The following CHD9 variants were observed in gnomAD, a reference collection of about 807,000 sequenced individuals.
The protein encoded by CHD9 is chromodomain helicase DNA binding protein 9.
A neutral mutation model predicts 316.1 loss-of-function variants in CHD9; 77 were observed. That is an observed-to-expected ratio of 0.24 (90% confidence interval 0.20 to 0.29). The LOEUF (loss-of-function observed/expected upper bound fraction) is 0.29, where lower values mean the gene tolerates loss of function less well. CHD9 is among the 10% of genes least tolerant of loss of function. CHD9 has a pLI of 1.00. For synonymous variants in CHD9, 1,129 were observed against 1,158.3 expected (o/e 0.97, Z 0.51); for missense variants, 2,763 against 3,438.1 (o/e 0.80, Z 4.91).
At chr16:53,162,122 G>A (rs1289546548) in intron 2 of CHD9, among the ~76,000 whole-genome samples, 5 of 152,130 alleles carry the variant, frequency 3.3e-5, no homozygotes, top group Admixed American at 2.6e-4. Context: ...CTCAGCGTAC[G>A]CTAAACTATG....
Position 53,156,571 on chromosome 16 carries a change from A to T in CHD9, c.482A>T (p.Asp161Val), listed in dbSNP as rs2041536773. The T allele has an allele frequency of 6.2e-7, 1 of 1,613,874 alleles. No homozygotes were observed. The highest frequency in any genetic ancestry group is 1.3e-5 in the African/African-American group (1 of 74,930). Reference sequence around the variant, plus strand: ...AATAAAAGCTTTGTGGCACACCATGACTTTGCCTTATTTCAGGCCAATGAA... The same window carrying T: ...AATAAAAGCTTTGTGGCACACCATGTCTTTGCCTTATTTCAGGCCAATGAA... ...HQNKSFVAHHDFALFQANEQQ... is the reference protein window; with the variant it reads ...HQNKSFVAHHVFALFQANEQQ... Residue 161 changes from aspartate to valine, a missense_variant, in exon 2 of 39, where the codon GAC (aspartate) becomes GTC (valine). Transcript: ENST00000447540.
Position 53,222,751 on chromosome 16 carries a change from C to T in CHD9, c.1892C>T (p.Ser631Phe), listed in dbSNP as rs561020870. The part of the protein sequence containing the change: ...MPQHTLKDQD[S>F]QKRRSNRQIK... The stretch of plus-strand genomic sequence containing the variant: ...CAGCATACATTAAAAGATCAAGACT[C>T]TCAAGTGAGTATTACAATTTTTTCT... The change falls in exon 4 of 39, where the codon TCT (serine) becomes TTT (phenylalanine). Residue 631 changes from serine to phenylalanine, a missense_variant. Transcript: ENST00000447540. The T allele has an allele frequency of 4.5e-5, 66 of 1,455,752 alleles. No individual in the cohort carries two copies. The Middle Eastern group carries it at 5.2e-4, about 12-fold the overall frequency. The allele number at this position is 1,455,752 out of a possible 1,614,324, so 90.2% of individuals were successfully genotyped here.
intron 1 of CHD9, chr16:53,121,835 G>C (rs997011818): frequency 6.6e-6 from 1 of 152,598 alleles, no homozygotes; most frequent in Non-Finnish European, 1.5e-5. Context: ...GTTCTTCACC[G>C]AGTTAAGGAA....
At chr16:53,267,713 G>T (rs563693604) in intron 21 of CHD9, among the ~76,000 whole-genome samples, 10 of 151,980 alleles carry the variant, frequency 6.6e-5, no homozygotes, top group African/African-American at 2.4e-4. Flanking sequence ...CCTTAAATTC[G>T]CATATTCAGT....
chr16:53,120,332 G>T (rs770939480), intron 1 of CHD9, among the ~76,000 whole-genome samples: 1 of 152,158 alleles, frequency 6.6e-6, no homozygotes, highest in Non-Finnish European at 1.5e-5. Flanking sequence ...AGTTGATTGG[G>T]GCCAGGTGTG....
intron 1 of CHD9, among the ~76,000 whole-genome samples, chr16:53,063,287 A>G (rs991472906): frequency 6.6e-6 from 1 of 151,822 alleles, no homozygotes; most frequent in African/African-American, 2.4e-5. Context: ...GATGAGCTGG[A>G]AAATAAACCC....
At chr16:53,068,915 A>G (rs964813971) in intron 1 of CHD9, among the ~76,000 whole-genome samples, 1 of 152,236 alleles carries the variant, frequency 6.6e-6, no homozygotes. Flanking sequence ...TATTTTATAT[A>G]TATCCACATA....
At chr16:53,218,903 T>C (rs573123394) in intron 3 of CHD9, among the ~76,000 whole-genome samples, 1 of 152,194 alleles carries the variant, frequency 6.6e-6, no homozygotes, top group African/African-American at 2.4e-5. Context: ...ATCAAATATG[T>C]ATTTTTACTA....
At chr16:53,291,636 C>T in intron 27 of CHD9, 89 bp from the exon 28 acceptor site, 2 of 824,160 alleles carry the variant, frequency 2.4e-6, no homozygotes, top group South Asian at 3.6e-5. Flanking sequence ...GAAAAGCTCT[C>T]TGTTATAAAG....
Position 53,157,072 on chromosome 16 carries a change from C to T in CHD9, c.983C>T (p.Pro328Leu). 2 of 1,613,078 alleles carry T rather than the reference C, an allele frequency of 1.2e-6. No individual in the cohort carries two copies. The highest frequency in any genetic ancestry group is 1.3e-5 in the African/African-American group (1 of 75,040). Reference sequence around the variant, plus strand: ...GAATCTACTCAGCATATCCTAAACCCCAATACATCATTGAATTCAAATAAT... The same window carrying T: ...GAATCTACTCAGCATATCCTAAACCTCAATACATCATTGAATTCAAATAAT... ...KQESTQHILN[P>L]NTSLNSNNFQ... The change falls in exon 2 of 39, where the codon CCC becomes CTC. Residue 328 changes from proline to leucine, a missense_variant. By Grantham distance (98) the Pro-to-Leu change is moderately conservative. This residue lies in a region of CHD9 where 859 missense variants were observed against 890.4 expected (regional missense o/e 0.96). Transcript: ENST00000447540.
chr16:53,066,299 A>G (rs62050288), intron 1 of CHD9, among the ~76,000 whole-genome samples: 11 of 151,984 alleles, frequency 7.2e-5, no homozygotes, highest in African/African-American at 2.7e-4. Flanking sequence ...GCAAGTCAGC[A>G]GAGGAAATTT....
Position 53,180,820 on chromosome 16 carries a change from C to T in CHD9, c.1452+23279C>T, listed in dbSNP as rs1006549212. Among the ~76,000 whole-genome samples the T allele has an allele frequency of 1.8e-4, 28 of 151,704 alleles. 1 individual carries two copies. Among genetic ancestry groups the T allele is most frequent in the African/African-American group, 4.8e-4 (20 of 41,272 alleles). On this transcript the variant is annotated intron_variant, in intron 2 of 38. Transcript: ENST00000447540. ...CCCCAGTATTAGCTGGGACTACAGG[C>T]GCCCGCCACCACGCCCGGCTAATTT...
chr16:53,208,760 T>G, intron 2 of CHD9: 2 of 954,816 alleles, frequency 2.1e-6, no homozygotes, highest in Non-Finnish European at 2.5e-6. Flanking sequence ...GAATGCGTGT[T>G]TGAAGAGGAA....
chr16:53,303,920 A>G lies in CHD9; in HGVS notation c.5914A>G (p.Ile1972Val), dbSNP rs2055682937. The G allele has an allele frequency of 1.9e-6, 3 of 1,613,886 alleles. No homozygotes were observed. The highest frequency in any genetic ancestry group is 1.1e-5 in the South Asian group (1 of 91,086). ...TGGCCCTCATGATAGGGATTTGCTT[A>G]TTGGTGCTGCCAAACACGGGGTGAG... ...ECGPHDRDLL[I>V]GAAKHGVSRT... The change falls in exon 31 of 39, where the codon ATT (isoleucine) becomes GTT (valine). Residue 1972 changes from isoleucine (I) to valine (V), a missense_variant. Ile to Val is a conservative substitution (Grantham distance 29, BLOSUM62 3). Around this residue, in one of 15 missense-constraint regions of CHD9, gnomAD observed 663 missense variants for 751.2 expected, o/e 0.88. Coordinates refer to ENST00000447540, the MANE Select transcript of CHD9 (RefSeq NM_001308319.2).
At chr16:53,106,090 G>A (rs2037324242) in intron 1 of CHD9, among the ~76,000 whole-genome samples, 1 of 152,100 alleles carries the variant, frequency 6.6e-6, no homozygotes, top group Non-Finnish European at 1.5e-5. Context: ...AAAGTGCTGG[G>A]ATTACAGGCG....
At chr16:53,096,489 G>A (rs1213421264) in intron 1 of CHD9, among the ~76,000 whole-genome samples, 2 of 151,824 alleles carry the variant, frequency 1.3e-5, no homozygotes, top group Non-Finnish European at 2.9e-5. Context: ...AATTATTCTG[G>A]AAACTCTATA....
At chr16:53,249,352 T>C (rs1367453047) in intron 16 of CHD9, among the ~76,000 whole-genome samples, 1 of 152,150 alleles carries the variant, frequency 6.6e-6, no homozygotes, top group African/African-American at 2.4e-5. Context: ...ATATGTTAAA[T>C]GGGGAAGGAT....
At chr16:53,228,484 C>T (rs1243081648) in intron 7 of CHD9, among the ~76,000 whole-genome samples, 1 of 149,704 alleles carries the variant, frequency 6.7e-6, no homozygotes, top group East Asian at 2.0e-4. Flanking sequence ...GGAAAAATCA[C>T]TTACTCTTCT....
At chr16:53,190,424 G>A (rs971618686) in intron 2 of CHD9, among the ~76,000 whole-genome samples, 2 of 151,906 alleles carry the variant, frequency 1.3e-5, no homozygotes, top group African/African-American at 2.4e-5. Context: ...TTATCATGAC[G>A]CGCCAAGGAG....
Sources: gnomAD v4.1 joint callset for allele counts (sites outside exome capture counted in the v4.1 genomes callset) on GRCh38, gnomAD v4.1.1 for gene constraint, gnomAD v4.1.1 regional missense constraint, MANE v1.5 for transcripts, NCBI Gene and HGNC (gene_info 2026-07-23, HGNC 2026-07-21) for gene names.